FRYL: variants seen among roughly 807,000 people sequenced by gnomAD.
The protein encoded by FRYL is protein furry homolog-like.
FRYL carries 150 observed loss-of-function variants against 351.2 expected under a neutral mutation model. That is an observed-to-expected ratio of 0.43 (90% confidence interval 0.37 to 0.49). FRYL has a LOEUF of 0.49. Ranked by LOEUF, FRYL falls within the 20% of genes least tolerant of loss-of-function variation. FRYL has a pLI of 0.00. For missense variants in FRYL, 3,036 were observed against 3,619.3 expected, an observed-to-expected ratio of 0.84 and a Z score of 4.13; for synonymous variants, 1,153 against 1,257.1, an observed-to-expected ratio of 0.92 and a Z score of 1.75.
chr4:48,658,251 T>G lies in FRYL; in HGVS notation c.-80-23761A>C, dbSNP rs73815309. Among the ~76,000 whole-genome samples the G allele has an allele frequency of 2.8e-3, 431 of 152,296 alleles. 1 individual carries two copies. The highest frequency in any genetic ancestry group is 9.9e-3 in the African/African-American group (412 of 41,560). On this transcript the variant is annotated intron_variant, in intron 3 of 63. Coordinates refer to ENST00000358350, the MANE Select transcript of FRYL (RefSeq NM_015030.2). ...AAAGTACACATGTATGAATTATTCC[T>G]CATATTGACAGTTTTAAATATCTCC...
At chr4:48,596,603 G>C (rs192896974) in intron 13 of FRYL, among the ~76,000 whole-genome samples, 1 of 152,044 alleles carries the variant, frequency 6.6e-6, no homozygotes, top group East Asian at 1.9e-4. Context: ...AGAACATATG[G>C]TACCTACCTC....
chr4:48,553,529 A>T, intron 35 of FRYL, 146 bp from the exon 36 acceptor site: 1 of 605,868 alleles, frequency 1.7e-6, no homozygotes, highest in South Asian at 2.0e-5. Flanking sequence ...CTGATCAACA[A>T]TAAGACATTA....
intron 44 of FRYL, among the ~76,000 whole-genome samples, chr4:48,542,644 G>C (rs1421703350): frequency 6.6e-6 from 1 of 152,184 alleles, no homozygotes; most frequent in Non-Finnish European, 1.5e-5. Context: ...TCGAACTCTT[G>C]ATCTCAGGTG....
chr4:48,553,477 T>G, intron 35 of FRYL, 94 bp from the exon 36 acceptor site: 1 of 795,458 alleles, frequency 1.3e-6, no homozygotes, highest in Non-Finnish European at 2.1e-6. Flanking sequence ...AGTTCAACTT[T>G]AAGTGGTAGA....
chr4:48,556,868 CCCTTG>C, intron 35 of FRYL, 105 bp downstream of exon 35: 13 of 899,260 alleles, frequency 1.4e-5, no homozygotes, highest in South Asian at 7.4e-5. Flanking sequence ...TTCATCCCGG[CCCTTG>C]CCTTGCCTTG....
chr4:48,570,753 C>T (rs1738121172), intron 27 of FRYL, 74 bp downstream of exon 27: 10 of 1,076,086 alleles, frequency 9.3e-6, no homozygotes, highest in Non-Finnish European at 1.3e-5. Flanking sequence ...TGTTTTTATA[C>T]ATTTCATGAG....
intron 3 of FRYL, among the ~76,000 whole-genome samples, chr4:48,681,752 A>T (rs1474909127): frequency 1.3e-5 from 2 of 152,168 alleles, no homozygotes; most frequent in African/African-American, 4.8e-5. Context: ...AGCATGAATA[A>T]CCAAAAAAAT....
At position 48,510,955 on chromosome 4, in the gene FRYL, A is replaced by G. The variant is rs1722344578; in HGVS notation, c.8175T>C (p.Thr2725=). The change falls in exon 58 of 64, where the codon ACT becomes ACC. Residue 2725 remains threonine (T), a synonymous_variant. Transcript: ENST00000358350. The part of the protein sequence containing the change: ...QTIQRKFGEI[T]NEAVSFLGDS... The stretch of plus-strand genomic sequence containing the variant: ...CACCAAGAAAGCTGACTGCCTCATT[A>G]GTTATTTCTCCAAACTTTCTTTGAA... The G allele has an allele frequency of 6.2e-7, 1 of 1,612,204 alleles. No individual in the cohort carries two copies.
chr4:48,505,831 C>T, intron 59 of FRYL: 1 of 458,862 alleles, frequency 2.2e-6, no homozygotes. Context: ...CTTGTGACAG[C>T]TATACTAACA....
At chr4:48,658,146 G>C (rs1217803326) in intron 3 of FRYL, among the ~76,000 whole-genome samples, 1 of 24,528 alleles carries the variant, frequency 4.1e-5, no homozygotes, top group African/African-American at 1.3e-4. Flanking sequence ...ATGAAGTTCG[G>C]ATTTAACTAG....
At chr4:48,580,800 G>T in intron 22 of FRYL, 65 bp downstream of exon 22, 2 of 966,370 alleles carry the variant, frequency 2.1e-6, no homozygotes, top group Non-Finnish European at 3.3e-6. Context: ...ACATGTACAT[G>T]TATACATATG....
Position 48,578,956 on chromosome 4 carries a change from C to T in FRYL, c.2528+17G>A. 6.4e-7 allele frequency: 1 copy of T among 1,557,506 alleles called. No homozygotes were observed. Among genetic ancestry groups the T allele is most frequent in the Non-Finnish European group, 8.6e-7 (1 of 1,156,798 alleles). ...CAGTCTATACATTTTTAAATTTACA[C>T]TAGGAAAATAACTTACTTTATATCG... On this transcript the variant is annotated intron_variant, in intron 23 of 63. Transcript: ENST00000358350.
chr4:48,600,522 A>G (rs970249488), intron 13 of FRYL, among the ~76,000 whole-genome samples: 2 of 152,202 alleles, frequency 1.3e-5, no homozygotes, highest in African/African-American at 2.4e-5. Flanking sequence ...AAGGGTTCAA[A>G]GAAAACAGAG....
At chr4:48,725,559 G>A (rs1373426967) in intron 1 of FRYL, among the ~76,000 whole-genome samples, 1 of 152,184 alleles carries the variant, frequency 6.6e-6, no homozygotes, top group African/African-American at 2.4e-5. Flanking sequence ...TCAGTAGCGT[G>A]ATGAAATGTC....
rs375198805 is a variant in FRYL at position 48,586,659 on chromosome 4, G to T, written c.1710C>A (p.Asp570Glu). The T allele has an allele frequency of 2.5e-6, 4 of 1,611,800 alleles. No individual in the cohort carries two copies. The highest frequency in any genetic ancestry group is 3.4e-6 in the Non-Finnish European group (4 of 1,179,056). Residue 570 changes from aspartate to glutamate, a missense_variant, in exon 19 of 64, where the codon GAC (aspartate) becomes GAA (glutamate). Physicochemically the swap from Asp to Glu is conservative, Grantham distance 45. Coordinates refer to ENST00000358350, the MANE Select transcript of FRYL (RefSeq NM_015030.2). ...CIAAIPRLIP[D>E]GMSRTDLIEL... ...CAATCAGGTCAGTTCTGCTCATACC[G>T]TCAGGAATCAACCTTGGAATCGCAG...
At chr4:48,740,289 A>ATT (rs71191255) in intron 1 of FRYL, among the ~76,000 whole-genome samples, 2,961 of 97,784 alleles carry the variant, frequency 0.03, 180 homozygotes, top group African/African-American at 0.067. Flanking sequence ...AAACAATCTG[A>ATT]TTTTTTTTTT....
At chr4:48,734,379 G>A (rs551053160) in intron 1 of FRYL, among the ~76,000 whole-genome samples, 1 of 152,278 alleles carries the variant, frequency 6.6e-6, no homozygotes, top group Non-Finnish European at 1.5e-5. Flanking sequence ...AAATGTGTGT[G>A]TGTGCCTAAC....
At chr4:48,642,959 C>T (rs1457167238) in intron 3 of FRYL, among the ~76,000 whole-genome samples, 1 of 152,086 alleles carries the variant, frequency 6.6e-6, no homozygotes, top group African/African-American at 2.4e-5. Context: ...AATGAACAAG[C>T]TGAATTATAT....
chr4:48,707,200 T>G (rs1447677015), intron 2 of FRYL, among the ~76,000 whole-genome samples: 1 of 152,234 alleles, frequency 6.6e-6, no homozygotes, highest in Non-Finnish European at 1.5e-5. Flanking sequence ...TTTAATTATT[T>G]TTATTTGCAT....
Sources: gnomAD v4.1 joint callset for allele counts (sites outside exome capture counted in the v4.1 genomes callset) on GRCh38, gnomAD v4.1.1 for gene constraint, MANE v1.5 for transcripts, NCBI Gene and HGNC (gene_info 2026-07-23, HGNC 2026-07-21) for gene names.